MMADHC: variants seen among roughly 807,000 people sequenced by gnomAD.
The protein encoded by MMADHC is metabolism of cobalamin associated D.
In MMADHC, 23 loss-of-function variants were observed where a neutral mutation model predicts 36.3. The observed-to-expected ratio is 0.63, with a 90% CI of 0.46 to 0.90. The LOEUF (loss-of-function observed/expected upper bound fraction) is 0.90, where lower values mean the gene tolerates loss of function less well. Among genes scored for constraint, MMADHC ranks in the 40% least tolerant of loss-of-function variants. MMADHC has a pLI of 0.00. For synonymous variants in MMADHC, 97 were observed against 116.1 expected, an observed-to-expected ratio of 0.84 and a Z score of 1.06; for missense variants, 330 against 348.0, an observed-to-expected ratio of 0.95 and a Z score of 0.41.
intron 5 of MMADHC, 44 bp downstream of exon 5, chr2:149,576,393 A>G (rs374270083): frequency 3.8e-6 from 5 of 1,308,172 alleles, no homozygotes; most frequent in Non-Finnish European, 3.3e-6. Flanking sequence ...TCAACATATT[A>G]AAAAAATTAG....
At chr2:149,579,281 T>C in intron 4 of MMADHC, 150 bp downstream of exon 4, 1 of 691,972 alleles carries the variant, frequency 1.4e-6, no homozygotes, top group Non-Finnish European at 2.4e-6. Context: ...AATGCCAAGT[T>C]TTCCAAAGCT....
At position 149,570,176 on chromosome 2, in the gene MMADHC, A is replaced by C. The variant is rs1182415439; in HGVS notation, c.697-8T>G. On this transcript the variant is annotated splice_polypyrimidine_tract_variant and splice_region_variant and intron_variant, in intron 7 of 7. Transcript: ENST00000303319. ...TGTATATGGTCCAAAAAACTGAGGA[A>C]ATAAAAACGAAATATTCTCATTAGT... is the stretch of plus-strand genomic sequence containing the variant. 6.2e-7 allele frequency: 1 copy of C among 1,605,556 alleles called. No homozygotes were observed. Among genetic ancestry groups the C allele is most frequent in the South Asian group, 1.1e-5 (1 of 90,758 alleles).
chr2:149,574,026 A>T (rs927929163), intron 6 of MMADHC, among the ~76,000 whole-genome samples: 5 of 148,948 alleles, frequency 3.4e-5, no homozygotes, highest in Non-Finnish European at 6.0e-5. Context: ...AGAAATCTTT[A>T]AAAAAAAAAA....
intron 6 of MMADHC, chr2:149,572,169 G>A: frequency 2.4e-6 from 1 of 409,504 alleles, no homozygotes; most frequent in Non-Finnish European, 4.8e-6. Flanking sequence ...ATTAAGACCA[G>A]ATTACAATGT....
chr2:149,587,299 C>T lies in MMADHC; in HGVS notation c.-52-150G>A, dbSNP rs4667419. The T allele has an allele frequency of 0.83, 516,620 of 619,970 alleles. 224,262 individuals are homozygous for T. The highest frequency in any genetic ancestry group is 0.9 in the South Asian group (47,687 of 52,980). 38.4% of individuals were successfully genotyped at this position (619,970 alleles called of 1,614,324 possible). A position where few individuals can be genotyped will look rare whatever the true frequency, so the allele number is the denominator to read the frequency against. The stretch of plus-strand genomic sequence containing the variant: ...CGTACCCTAAGGAGGCCAGAACTCG[C>T]CCCCATGCCAGGCACAGATCCCCCA... On this transcript the variant is annotated intron_variant, in intron 1 of 7. Transcript: ENST00000303319.
At chr2:149,587,353 C>T in intron 1 of MMADHC, 2 of 568,330 alleles carry the variant, frequency 3.5e-6, no homozygotes, top group South Asian at 4.2e-5. Context: ...AGCTCAGAGC[C>T]CTTCCGGTTT....
rs762133931 is a variant in MMADHC, at chr2:149,575,839, A to C, written c.481T>G (p.Phe161Val). The change falls in exon 6 of 8, where the codon TTT becomes GTT. Residue 161 changes from phenylalanine to valine, a missense_variant and splice_region_variant. Coordinates refer to ENST00000303319, the MANE Select transcript of MMADHC (RefSeq NM_015702.3). ...GCTACTTCTGGAAACAGTGATTCAA[A>C]ATCTACAAATAAGAATAAACATTCC... ...QTCPELLRKDFESLFPEVANG... is the reference protein window; with the variant it reads ...QTCPELLRKDVESLFPEVANG... The C allele has an allele frequency of 3.1e-5, 50 of 1,596,882 alleles. No individual in the cohort carries two copies. The highest frequency in any genetic ancestry group is 4.2e-5 in the Non-Finnish European group (49 of 1,167,118).
chr2:149,587,593 G>C (rs1682894669), intron 1 of MMADHC, 71 bp downstream of exon 1: 1 of 193,492 alleles, frequency 5.2e-6, no homozygotes, highest in African/African-American at 2.3e-5. Flanking sequence ...GAAAATACGG[G>C]CAATACCGAG....
intron 2 of MMADHC, among the ~76,000 whole-genome samples, chr2:149,583,302 T>C (rs1335455219): frequency 6.6e-6 from 1 of 152,098 alleles, no homozygotes; most frequent in Non-Finnish European, 1.5e-5. Flanking sequence ...CAGTAAAAAT[T>C]TGCTTGGGAA....
At chr2:149,573,300 A>T (rs539561501) in intron 6 of MMADHC, among the ~76,000 whole-genome samples, 1 of 152,322 alleles carries the variant, frequency 6.6e-6, no homozygotes, top group Admixed American at 6.5e-5. Context: ...GCATCCAATC[A>T]TAATGGGCCT....
At chr2:149,577,061 T>A (rs1467365672) in intron 4 of MMADHC, among the ~76,000 whole-genome samples, 2 of 152,012 alleles carry the variant, frequency 1.3e-5, no homozygotes, top group Non-Finnish European at 2.9e-5. Context: ...TGGTAAAAAA[T>A]TCAGTCCTCA....
chr2:149,575,959 T>A, intron 5 of MMADHC, 118 bp from the exon 6 acceptor site: 1 of 744,568 alleles, frequency 1.3e-6, no homozygotes, highest in Non-Finnish European at 2.2e-6. Context: ...ATTACTGTGG[T>A]ATTAGTTAAT....
At chr2:149,571,289 A>C in intron 6 of MMADHC, 118 bp from the exon 7 acceptor site, 1 of 575,586 alleles carries the variant, frequency 1.7e-6, no homozygotes, top group South Asian at 3.8e-5. Flanking sequence ...TTAATAAAAA[A>C]ATAAAAACCA....
intron 4 of MMADHC, among the ~76,000 whole-genome samples, chr2:149,577,054 TA>T (rs1682728470): frequency 6.6e-6 from 1 of 152,012 alleles, no homozygotes; most frequent in African/African-American, 2.4e-5. Flanking sequence ...GCTGCAATGG[TA>T]AAAAATTCAG....
Position 149,582,029 on chromosome 2 carries a change from GA to G in MMADHC, c.154+97del, listed in dbSNP as rs1421768915. The G allele has an allele frequency of 4.4e-6, 6 of 1,367,266 alleles. No homozygotes were observed. The African/African-American group carries it at 7.3e-5, about 17-fold the overall frequency. The allele number at this position is 1,367,266 out of a possible 1,614,324, so 84.7% of individuals were successfully genotyped here. A position where few individuals can be genotyped will look rare whatever the true frequency, so the allele number is the denominator to read the frequency against. ...TTTCAACTGAACAAACACAACTTTA[GA>G]AAAATCCATTAAGCCTTAAGAAGAA... is the stretch of plus-strand genomic sequence containing the variant. On this transcript the variant is annotated intron_variant, in intron 3 of 7. Transcript: ENST00000303319.
At chr2:149,571,355 TG>T (rs1162051022) in intron 6 of MMADHC, among the ~76,000 whole-genome samples, 184 bp from the exon 7 acceptor site, 1 of 152,212 alleles carries the variant, frequency 6.6e-6, no homozygotes, top group Non-Finnish European at 1.5e-5. Flanking sequence ...AGAAGATTAA[TG>T]GTTAACACAA....
At chr2:149,576,068 C>T (rs1682712344) in intron 5 of MMADHC, among the ~76,000 whole-genome samples, 1 of 151,888 alleles carries the variant, frequency 6.6e-6, no homozygotes, top group Admixed American at 6.6e-5. Flanking sequence ...ACCAACAATC[C>T]TGAAGGGTAA....
At chr2:149,580,709 C>T (rs1245059395) in intron 3 of MMADHC, among the ~76,000 whole-genome samples, 1 of 152,142 alleles carries the variant, frequency 6.6e-6, no homozygotes, top group African/African-American at 2.4e-5. Context: ...CCACCATATC[C>T]CTCTTCCACA....
At chr2:149,582,686 A>T (rs551262415) in intron 2 of MMADHC, among the ~76,000 whole-genome samples, 4 of 152,182 alleles carry the variant, frequency 2.6e-5, no homozygotes, top group African/African-American at 9.6e-5. Flanking sequence ...CTCTTCTTTT[A>T]CTGCTATAAA....
Sources: gnomAD v4.1 joint callset for allele counts (sites outside exome capture counted in the v4.1 genomes callset) on GRCh38, gnomAD v4.1.1 for gene constraint, MANE v1.5 for transcripts, NCBI Gene and HGNC (gene_info 2026-07-23, HGNC 2026-07-21) for gene names.